Variants in FOXP1 observed in about 807,000 individuals in gnomAD.
FOXP1 encodes the protein forkhead box protein P1.
FOXP1 carries 15 observed loss-of-function variants against 98.2 expected under a neutral mutation model. That is an observed-to-expected ratio of 0.15 (90% CI 0.10 to 0.24). The LOEUF is 0.24. Among genes scored for constraint, FOXP1 ranks in the 10% least tolerant of loss-of-function variants. The pLI is 1.00. For synonymous variants in FOXP1, 371 were observed against 314.5 expected (o/e 1.18, Z -1.90); for missense variants, 633 against 848.5 (o/e 0.75, Z 3.15).
At chr3:71,018,419 A>G (rs1240832034) in intron 11 of FOXP1, among the ~76,000 whole-genome samples, 1 of 152,198 alleles carries the variant, frequency 6.6e-6, no homozygotes, top group African/African-American at 2.4e-5. Context: ...TTTATTATGA[A>G]AAAATTACAT....
chr3:71,461,413 C>T (rs2088090001), intron 3 of FOXP1, among the ~76,000 whole-genome samples: 1 of 152,124 alleles, frequency 6.6e-6, no homozygotes, highest in Non-Finnish European at 1.5e-5. Context: ...GTAGATTCTG[C>T]AGGGTTATGA....
At chr3:71,257,421 T>TA (rs1222846588) in intron 5 of FOXP1, among the ~76,000 whole-genome samples, 1 of 150,856 alleles carries the variant, frequency 6.6e-6, no homozygotes, top group African/African-American at 2.4e-5. Flanking sequence ...CTACTAAAAA[T>TA]AAAAAAAATA....
At chr3:70,966,082 T>TGAA in intron 19 of FOXP1, 26 bp from the exon 20 acceptor site, 1 of 1,604,746 alleles carries the variant, frequency 6.2e-7, no homozygotes. Flanking sequence ...AGAAAATTTA[T>TGAA]GAAGACACAG....
chr3:71,424,596 T>C (rs1021728288), intron 3 of FOXP1, among the ~76,000 whole-genome samples: 13 of 152,052 alleles, frequency 8.5e-5, no homozygotes, highest in African/African-American at 2.9e-4. Flanking sequence ...CTTCCAGAGG[T>C]GTATTAATCA....
intron 3 of FOXP1, among the ~76,000 whole-genome samples, chr3:71,488,541 G>A (rs757101498): frequency 5.3e-5 from 8 of 152,112 alleles, no homozygotes; most frequent in Non-Finnish European, 7.4e-5. Flanking sequence ...TTACCTCCAC[G>A]TAAATGTCAT....
chr3:71,103,159 T>G (rs1020271076), intron 7 of FOXP1, among the ~76,000 whole-genome samples: 2 of 152,154 alleles, frequency 1.3e-5, no homozygotes, highest in Non-Finnish European at 2.9e-5. Flanking sequence ...TATCTCAAGA[T>G]AGTGAAGTTC....
At chr3:70,964,824 A>G (rs967348471) in intron 20 of FOXP1, among the ~76,000 whole-genome samples, 4 of 152,212 alleles carry the variant, frequency 2.6e-5, no homozygotes, top group African/African-American at 9.6e-5. Flanking sequence ...CTAGAAAATC[A>G]AATTTCAGAT....
At chr3:71,534,044 TC>T (rs762471986) in intron 2 of FOXP1, among the ~76,000 whole-genome samples, 1 of 152,152 alleles carries the variant, frequency 6.6e-6, no homozygotes, top group Non-Finnish European at 1.5e-5. Flanking sequence ...CCGTGCATAC[TC>T]AAGTCCTGCA....
Position 70,958,099 on chromosome 3 carries a change from T to C in FOXP1, c.*1148A>G, listed in dbSNP as rs1367144882. 11 of 342,372 alleles carry C rather than the reference T, an allele frequency of 3.2e-5. No individual in the cohort carries two copies. The highest frequency in any genetic ancestry group is 4.7e-4 in the Middle Eastern group (1 of 2,146). 21.2% of individuals were successfully genotyped at this position (342,372 alleles called of 1,614,324 possible). On this transcript the variant is annotated 3_prime_UTR_variant, in exon 21 of 21. Transcript: ENST00000649528. Reference sequence around the variant, plus strand: ...CAAGGGAGAGCCTTCCAAGGCCATATTGTCAGTCTAATTAATATGAGCTTT... The same window carrying C: ...CAAGGGAGAGCCTTCCAAGGCCATACTGTCAGTCTAATTAATATGAGCTTT...
chr3:71,170,369 A>G (rs2061592217), intron 6 of FOXP1, among the ~76,000 whole-genome samples: 1 of 152,210 alleles, frequency 6.6e-6, no homozygotes, highest in African/African-American at 2.4e-5. Flanking sequence ...CTCCATTTTT[A>G]AAGTTAATGA....
intron 2 of FOXP1, among the ~76,000 whole-genome samples, chr3:71,574,622 T>C (rs1008780327): frequency 3.3e-5 from 5 of 152,162 alleles, no homozygotes; most frequent in African/African-American, 1.2e-4. Flanking sequence ...AAAATACTTC[T>C]GCCAGCAGGG....
chr3:71,196,042 A>C (rs2063280227), intron 6 of FOXP1, among the ~76,000 whole-genome samples: 1 of 152,214 alleles, frequency 6.6e-6, no homozygotes, highest in African/African-American at 2.4e-5. Flanking sequence ...GTTATATTTT[A>C]AAAGACTTCA....
At chr3:71,009,896 A>G (rs1044946413) in intron 12 of FOXP1, among the ~76,000 whole-genome samples, 2 of 150,282 alleles carry the variant, frequency 1.3e-5, no homozygotes, top group Admixed American at 6.6e-5. Context: ...CTATGGGCAC[A>G]TGCCACGACA....
intron 3 of FOXP1, among the ~76,000 whole-genome samples, chr3:71,416,003 T>C (rs115956375): frequency 0.011 from 1,640 of 152,330 alleles, 17 homozygotes; most frequent in South Asian, 0.034. Context: ...ATAGACCAAC[T>C]ACTATCAATC....
chr3:71,577,297 T>G (rs2047798536), intron 2 of FOXP1, among the ~76,000 whole-genome samples: 1 of 152,196 alleles, frequency 6.6e-6, no homozygotes, highest in South Asian at 2.1e-4. Context: ...GAACATTATC[T>G]ATGGGATGCA....
intron 3 of FOXP1, among the ~76,000 whole-genome samples, chr3:71,440,295 G>A (rs1468798780): frequency 1.3e-5 from 2 of 152,256 alleles, no homozygotes; most frequent in East Asian, 3.9e-4. Flanking sequence ...TCCAGGTGCA[G>A]TGGTTTATGC....
intron 6 of FOXP1, among the ~76,000 whole-genome samples, chr3:71,163,141 C>T (rs573346435): frequency 1.3e-5 from 2 of 152,316 alleles, no homozygotes; most frequent in Non-Finnish European, 2.9e-5. Flanking sequence ...ACGTGAATAA[C>T]AGTTAAATTA....
At chr3:71,432,716 C>A (rs987100792) in intron 3 of FOXP1, among the ~76,000 whole-genome samples, 1 of 151,918 alleles carries the variant, frequency 6.6e-6, no homozygotes, top group East Asian at 1.9e-4. Flanking sequence ...GCACCCTATC[C>A]CCCCCATCCA....
chr3:70,960,454 C>T (rs772223914), intron 20 of FOXP1, among the ~76,000 whole-genome samples: 8 of 152,140 alleles, frequency 5.3e-5, no homozygotes, highest in South Asian at 4.1e-4. Flanking sequence ...CAAAACCGCT[C>T]GGATAACTAT....
Sources: allele counts gnomAD v4.1 joint callset (sites outside exome capture counted in the v4.1 genomes callset), GRCh38; gene constraint gnomAD v4.1.1; transcripts MANE v1.5; gene names NCBI Gene and HGNC (gene_info 2026-07-23, HGNC 2026-07-21).